The following ZNF609 variants were observed in gnomAD, a reference collection of about 807,000 sequenced individuals.
ZNF609 encodes zinc finger protein 609.
Under a neutral mutation model 109.5 loss-of-function variants are expected in ZNF609, and 11 were observed. The ratio of observed to expected loss-of-function variants is 0.10; its 90% confidence interval spans 0.06 to 0.17. The LOEUF (loss-of-function observed/expected upper bound fraction) is 0.17, where lower values mean the gene tolerates loss of function less well. ZNF609 is among the 10% of genes least tolerant of loss of function. The pLI, the probability that ZNF609 is intolerant of heterozygous loss-of-function variation, is 1.00. For missense variants in ZNF609, 1,559 were observed against 1,772.4 expected (o/e 0.88, Z 2.16); for synonymous variants, 646 against 662.0 (o/e 0.98, Z 0.37).
At chr15:64,583,813 G>A (rs190087111) in intron 2 of ZNF609, among the ~76,000 whole-genome samples, 98 of 152,232 alleles carry the variant, frequency 6.4e-4, no homozygotes, top group African/African-American at 2.3e-3. Context: ...AGGACTTTGA[G>A]CGATCTTCCT....
At chr15:64,510,989 ATTT>A (rs35191543) in intron 2 of ZNF609, among the ~76,000 whole-genome samples, 93 of 127,104 alleles carry the variant, frequency 7.3e-4, no homozygotes, top group African/African-American at 2.2e-3. Context: ...CATAGCATTG[ATTT>A]TTTTTTTTTT....
At chr15:64,635,859 G>A (rs1450960225) in intron 3 of ZNF609, among the ~76,000 whole-genome samples, 2 of 85,352 alleles carry the variant, frequency 2.3e-5, no homozygotes, top group Non-Finnish European at 5.4e-5. Flanking sequence ...TCTTTAACTC[G>A]CTCTCTCTCT....
chr15:64,541,499 G>T (rs1894262209), intron 2 of ZNF609, among the ~76,000 whole-genome samples: 3 of 151,368 alleles, frequency 2.0e-5, no homozygotes, highest in African/African-American at 7.3e-5. Context: ...ACTTGCTAGT[G>T]AATTACAGTG....
At chr15:64,623,905 C>G (rs949120898) in intron 3 of ZNF609, among the ~76,000 whole-genome samples, 5 of 152,170 alleles carry the variant, frequency 3.3e-5, no homozygotes, top group African/African-American at 1.2e-4. Context: ...CATGTCTCTG[C>G]ATCAGTAAAC....
At chr15:64,649,276 C>G (rs1896380417) in intron 3 of ZNF609, among the ~76,000 whole-genome samples, 2 of 152,062 alleles carry the variant, frequency 1.3e-5, no homozygotes, top group Admixed American at 6.6e-5. Flanking sequence ...AACTCATTAT[C>G]ACTGTATAGG....
At chr15:64,597,655 A>G (rs991466640) in intron 2 of ZNF609, among the ~76,000 whole-genome samples, 2 of 152,220 alleles carry the variant, frequency 1.3e-5, no homozygotes, top group Non-Finnish European at 2.9e-5. Flanking sequence ...ATTTCTCAAC[A>G]AAGATCTTGC....
intron 3 of ZNF609, among the ~76,000 whole-genome samples, chr15:64,641,219 C>CTTTCTTTTTTTTTTTTT: frequency 1.4e-5 from 1 of 69,736 alleles, no homozygotes; most frequent in Non-Finnish European, 2.6e-5. Flanking sequence ...CTTGTGCTTT[C>CTTTCTTTTTTTTTTTTT]TTTTTTTTTT....
chr15:64,676,199 G>A lies in ZNF609; in HGVS notation c.3345G>A (p.Lys1115=). 1 of 1,614,130 alleles carries A rather than the reference G, an allele frequency of 6.2e-7. No homozygotes were observed. The highest frequency in any genetic ancestry group is 8.5e-7 in the Non-Finnish European group (1 of 1,179,978). ...TAAGCAAGGAGGCCTCTGAGGCCAAGACAGGTGCTGAGTGTGGTCGACAGG... is the reference window on the plus strand; with the variant it reads ...TAAGCAAGGAGGCCTCTGAGGCCAAAACAGGTGCTGAGTGTGGTCGACAGG... ...SHLSKEASEA[K]TGAECGRQAE... is the part of the protein sequence containing the mutation. Residue 1115 remains lysine (K), a synonymous_variant, in exon 5 of 10, where the codon AAG becomes AAA. Coordinates refer to ENST00000326648, the MANE Select transcript of ZNF609 (RefSeq NM_015042.2).
At chr15:64,473,840 T>C (rs980740024) in intron 1 of ZNF609, among the ~76,000 whole-genome samples, 1 of 152,110 alleles carries the variant, frequency 6.6e-6, no homozygotes, top group Admixed American at 6.6e-5. Context: ...AGTGGCGTGA[T>C]CTCGGCTCAC....
At chr15:64,626,621 T>G (rs1294110462) in intron 3 of ZNF609, among the ~76,000 whole-genome samples, 3 of 152,192 alleles carry the variant, frequency 2.0e-5, no homozygotes, top group African/African-American at 7.2e-5. Context: ...TGAGCCACCT[T>G]GCTGAGAACA....
intron 2 of ZNF609, among the ~76,000 whole-genome samples, chr15:64,615,459 A>G (rs538554953): frequency 6.6e-6 from 1 of 151,512 alleles, no homozygotes; most frequent in East Asian, 1.9e-4. Flanking sequence ...CGTCTTATCA[A>G]CATAATGTTT....
rs779425426 is a variant in ZNF609, at chr15:64,674,324, C to A, written c.1470C>A (p.Pro490=). Reference sequence around the variant, plus strand: ...CCACTGTTCTGGACAGAAACTGCCCCTCCCCCGTCCTAATTGACTGTCCCC... The same window carrying A: ...CCACTGTTCTGGACAGAAACTGCCCATCCCCCGTCCTAATTGACTGTCCCC... The part of the protein sequence containing the change: ...VEPTVLDRNC[P]SPVLIDCPHP... Residue 490 remains proline (P), a synonymous_variant, in exon 5 of 10, where the codon CCC becomes CCA. Transcript: ENST00000326648. The A allele has an allele frequency of 1.9e-6, 3 of 1,614,188 alleles. No homozygotes were observed. In the South Asian group the frequency reaches 3.3e-5, roughly 18 times the overall value.
intron 1 of ZNF609, among the ~76,000 whole-genome samples, chr15:64,469,427 CAAAAAAAAA>C (rs34210041): frequency 5.4e-5 from 4 of 73,574 alleles, no homozygotes; most frequent in East Asian, 4.6e-4. Context: ...ACCCTATTTC[CAAAAAAAAA>C]AAAAAAAAAA....
chr15:64,500,551 A>T, intron 2 of ZNF609: 1 of 610,300 alleles, frequency 1.6e-6, no homozygotes, highest in Non-Finnish European at 2.9e-6. Context: ...GACTCATAAT[A>T]GTTGATAAAC....
chr15:64,574,257 T>C (rs1026038688), intron 2 of ZNF609, among the ~76,000 whole-genome samples: 8 of 151,984 alleles, frequency 5.3e-5, no homozygotes, highest in African/African-American at 1.9e-4. Context: ...CAGTAGTTTT[T>C]TGTTTTATTG....
At chr15:64,669,662 T>TTTTTTTA (rs1172667167) in intron 3 of ZNF609, among the ~76,000 whole-genome samples, 3 of 152,056 alleles carry the variant, frequency 2.0e-5, no homozygotes, top group Non-Finnish European at 4.4e-5. Flanking sequence ...AAAAGCTTTA[T>TTTTTTTA]TTTTTTATTT....
At chr15:64,516,291 T>A (rs1268865346) in intron 2 of ZNF609, among the ~76,000 whole-genome samples, 2 of 152,228 alleles carry the variant, frequency 1.3e-5, no homozygotes, top group Admixed American at 6.5e-5. Flanking sequence ...TTTTAATTTT[T>A]AAAATTTATT....
intron 1 of ZNF609, among the ~76,000 whole-genome samples, chr15:64,474,816 C>T (rs887421987): frequency 1.3e-5 from 2 of 152,016 alleles, no homozygotes; most frequent in African/African-American, 4.8e-5. Context: ...TTTAAAATTA[C>T]AATTTTGATC....
intron 3 of ZNF609, among the ~76,000 whole-genome samples, chr15:64,669,762 G>A (rs1420134079): frequency 2.6e-5 from 4 of 152,052 alleles, no homozygotes; most frequent in Admixed American, 2.6e-4. Flanking sequence ...CCACCTCCTG[G>A]GTTCAAGTGA....
Sources: gnomAD v4.1 joint callset for allele counts (sites outside exome capture counted in the v4.1 genomes callset) on GRCh38, gnomAD v4.1.1 for gene constraint, MANE v1.5 for transcripts, NCBI Gene and HGNC (gene_info 2026-07-23, HGNC 2026-07-21) for gene names.